Variants in OSBPL3 observed in about 807,000 individuals in gnomAD.
OSBPL3 encodes the protein oxysterol binding protein like 3.
Under a neutral mutation model 120.1 loss-of-function variants are expected in OSBPL3, and 65 were observed. The ratio of observed to expected loss-of-function variants is 0.54; its 90% CI spans 0.44 to 0.67. The LOEUF is 0.67. Among genes scored for constraint, OSBPL3 ranks in the 30% least tolerant of loss-of-function variants. The pLI is 0.00. For missense variants in OSBPL3, 1,004 were observed against 1,082.1 expected (o/e 0.93, Z 1.01); for synonymous variants, 416 against 402.6 (o/e 1.03, Z -0.40).
At chr7:24,860,895 T>A (rs1485363835) in intron 10 of OSBPL3, among the ~76,000 whole-genome samples, 1 of 152,226 alleles carries the variant, frequency 6.6e-6, no homozygotes, top group South Asian at 2.1e-4. Context: ...AACATGGGTA[T>A]AGATTTGTGT....
At position 24,806,457 on chromosome 7, in the gene OSBPL3, G is replaced by A. The variant is rs1163590491; in HGVS notation, c.2444+319C>T. Among the ~76,000 whole-genome samples the A allele has an allele frequency of 1.3e-5, 2 of 152,126 alleles. No homozygotes were observed. Among genetic ancestry groups the A allele is most frequent in the African/African-American group, 2.4e-5 (1 of 41,424 alleles). On this transcript the variant is annotated intron_variant, in intron 21 of 22. Coordinates refer to ENST00000313367, the MANE Select transcript of OSBPL3 (RefSeq NM_015550.4). This position sits in a 1 kb window ranked among gnomAD's most constrained non-coding sequence, Gnocchi z 5.2. ...CAAAATCATTTAAATTTGAGGGCTC[G>A]GGGAGCTGGAGGTTTTAACTTACTT...
At chr7:24,842,235 C>G (rs1016672071) in intron 13 of OSBPL3, 44 bp downstream of exon 13, 27 of 1,594,862 alleles carry the variant, frequency 1.7e-5, no homozygotes, top group South Asian at 4.5e-5. Context: ...AGCAAAGCAA[C>G]AAGAGAGATT....
At chr7:24,907,665 G>C (rs539696441) in intron 1 of OSBPL3, among the ~76,000 whole-genome samples, 1 of 152,040 alleles carries the variant, frequency 6.6e-6, no homozygotes, top group Non-Finnish European at 1.5e-5. Context: ...TCCATCTTCC[G>C]AAGATCACTT....
Position 24,820,097 on chromosome 7 carries a change from T to C in OSBPL3, c.1948+78A>G, listed in dbSNP as rs540502974. On this transcript the variant is annotated intron_variant, in intron 17 of 22. Transcript: ENST00000313367. This position sits in a 1 kb window ranked among gnomAD's most constrained non-coding sequence, Gnocchi z 4.6. ...GGACCACTTTTGATCTCAGTAAGAA[T>C]TGACAGCAATTCTTGGATAAAATAA... 40 of 1,076,800 alleles carry C rather than the reference T, an allele frequency of 3.7e-5. No individual in the cohort carries two copies. The highest frequency in any genetic ancestry group is 1.4e-4 in the South Asian group (10 of 71,958). The allele number at this position is 1,076,800 out of a possible 1,614,324, so 66.7% of individuals were successfully genotyped here.
chr7:24,812,926 T>C (rs909606681), intron 19 of OSBPL3, among the ~76,000 whole-genome samples: 1 of 152,204 alleles, frequency 6.6e-6, no homozygotes, highest in Non-Finnish European at 1.5e-5. Context: ...TTCCCCAGAG[T>C]AGAGTGCAGT....
At position 24,930,991 on chromosome 7, in the gene OSBPL3, T is replaced by C. The variant is rs1221366341; in HGVS notation, c.-149-38370A>G. ...GAAGTACGTGTTCAGAGGCAAAAAG[T>C]GAGCTGTGGGAAGACAGATGCTCCC... is the stretch of plus-strand genomic sequence containing the variant. On this transcript the variant is annotated intron_variant, in intron 1 of 22. Coordinates refer to ENST00000313367, the MANE Select transcript of OSBPL3 (RefSeq NM_015550.4). The surrounding 1 kb of genome is among the most constrained non-coding windows in gnomAD (Gnocchi z 4.4). Among the ~76,000 whole-genome samples the C allele has an allele frequency of 6.6e-6, 1 of 152,142 alleles. No individual in the cohort carries two copies. Among genetic ancestry groups the C allele is most frequent in the Non-Finnish European group, 1.5e-5 (1 of 68,030 alleles).
At chr7:24,869,370 C>G (rs1307554545) in intron 5 of OSBPL3, among the ~76,000 whole-genome samples, 1 of 152,166 alleles carries the variant, frequency 6.6e-6, no homozygotes, top group Non-Finnish European at 1.5e-5. Context: ...ATAACCTAAA[C>G]TATTCTAGTG....
Position 24,952,842 on chromosome 7 carries a change from A to G in OSBPL3, c.-150+27044T>C, listed in dbSNP as rs538591670. 2.0e-5 allele frequency among the ~76,000 whole-genome samples: 3 copies of G among 152,024 alleles called. No homozygotes were observed. The highest frequency in any genetic ancestry group is 1.3e-4 in the Admixed American group (2 of 15,274). ...CTATCAACCCCGCTTCCCCTCCCCA[A>G]TCTCATTTAAAATAACTCTGGGATG... is the stretch of plus-strand genomic sequence containing the variant. On this transcript the variant is annotated intron_variant, in intron 1 of 22. Coordinates refer to ENST00000313367, the MANE Select transcript of OSBPL3 (RefSeq NM_015550.4). The surrounding 1 kb of genome is among the most constrained non-coding windows in gnomAD (Gnocchi z 4.4).
At position 24,846,464 on chromosome 7, in the gene OSBPL3, G is replaced by C. The variant is rs148849172; in HGVS notation, c.1266+2605C>G. ...CAAATGCATGCCGATATAGCAAACAGACATTAAAAGAATTAAGTTCCCTTC... is the reference window on the plus strand; with the variant it reads ...CAAATGCATGCCGATATAGCAAACACACATTAAAAGAATTAAGTTCCCTTC... On this transcript the variant is annotated intron_variant, in intron 12 of 22. Coordinates refer to ENST00000313367, the MANE Select transcript of OSBPL3 (RefSeq NM_015550.4). 3.3e-5 allele frequency among the ~76,000 whole-genome samples: 5 copies of C among 152,346 alleles called. No individual in the cohort carries two copies. In the East Asian group the frequency reaches 9.6e-4, roughly 29 times the overall value.
chr7:24,828,246 G>C (rs866021389), intron 16 of OSBPL3, among the ~76,000 whole-genome samples: 1 of 152,016 alleles, frequency 6.6e-6, no homozygotes, highest in African/African-American at 2.4e-5. Context: ...GGCTTGTCTC[G>C]AACTCCTGAC....
In OSBPL3 at chr7:24,855,634, G is replaced by T. The variant is rs564968692; in HGVS notation, c.1028-3000C>A. Among the ~76,000 whole-genome samples the T allele has an allele frequency of 6.6e-6, 1 of 152,150 alleles. No individual in the cohort carries two copies. The highest frequency in any genetic ancestry group is 1.5e-5 in the Non-Finnish European group (1 of 68,022). Reference sequence around the variant, plus strand: ...GTCATTCACAGCCACCTAATGATCTGCCACACACAGGGCAATGATCAGAGG... The same window carrying T: ...GTCATTCACAGCCACCTAATGATCTTCCACACACAGGGCAATGATCAGAGG... On this transcript the variant is annotated intron_variant, in intron 10 of 22. Coordinates refer to ENST00000313367, the MANE Select transcript of OSBPL3 (RefSeq NM_015550.4). This position sits in a 1 kb window ranked among gnomAD's most constrained non-coding sequence, Gnocchi z 4.3.
At chr7:24,886,263 G>A (rs1470295529) in intron 2 of OSBPL3, among the ~76,000 whole-genome samples, 1 of 152,154 alleles carries the variant, frequency 6.6e-6, no homozygotes, top group African/African-American at 2.4e-5. Flanking sequence ...ACATGGCAAG[G>A]TTATCCAGCA....
At chr7:24,893,791 T>C (rs1300551115) in intron 1 of OSBPL3, among the ~76,000 whole-genome samples, 1 of 152,016 alleles carries the variant, frequency 6.6e-6, no homozygotes, top group East Asian at 1.9e-4. Flanking sequence ...TTGGGAGTCT[T>C]GCCCTGATGG....
chr7:24,897,699 C>G (rs1408303546), intron 1 of OSBPL3, among the ~76,000 whole-genome samples: 1 of 152,188 alleles, frequency 6.6e-6, no homozygotes, highest in African/African-American at 2.4e-5. Context: ...CGAGTGTGAA[C>G]AGACTAGTGT....
intron 1 of OSBPL3, among the ~76,000 whole-genome samples, chr7:24,970,758 G>A (rs939511562): frequency 2.6e-5 from 4 of 152,070 alleles, no homozygotes; most frequent in Non-Finnish European, 5.9e-5. Context: ...AAAATGTCTG[G>A]GGCTTAAAAC....
rs1302627561 is a variant in OSBPL3, at chr7:24,964,014, T to C, written c.-150+15872A>G. ...AGGAGCCAACCGAAAGCACTCCTAATAGCTAAAGCTGGACGAACTTCAGAA... is the reference window on the plus strand; with the variant it reads ...AGGAGCCAACCGAAAGCACTCCTAACAGCTAAAGCTGGACGAACTTCAGAA... On this transcript the variant is annotated intron_variant, in intron 1 of 22. Transcript: ENST00000313367. The surrounding 1 kb of genome is among the most constrained non-coding windows in gnomAD (Gnocchi z 4.2). Among the ~76,000 whole-genome samples, 1 of 152,142 alleles carries C rather than the reference T, an allele frequency of 6.6e-6. No individual in the cohort carries two copies. The highest frequency in any genetic ancestry group is 2.4e-5 in the African/African-American group (1 of 41,426).
chr7:24,889,719 T>C (rs1447230076), intron 2 of OSBPL3, among the ~76,000 whole-genome samples: 1 of 152,156 alleles, frequency 6.6e-6, no homozygotes, highest in Admixed American at 6.5e-5. Context: ...TGAGGGCTAA[T>C]GAGGAGAAAA....
Position 24,938,413 on chromosome 7 carries a change from T to C in OSBPL3, c.-150+41473A>G, listed in dbSNP as rs929944953. ...ATTACCCGGTTTATGATATTTGTTA[T>C]AGCAGCCTGAACTACTACATTGCCA... On this transcript the variant is annotated intron_variant, in intron 1 of 22. Transcript: ENST00000313367. The surrounding 1 kb of genome is among the most constrained non-coding windows in gnomAD (Gnocchi z 5.8). Among the ~76,000 whole-genome samples, 1 of 152,244 alleles carries C rather than the reference T, an allele frequency of 6.6e-6. No individual in the cohort carries two copies. The highest frequency in any genetic ancestry group is 1.5e-5 in the Non-Finnish European group (1 of 68,042).
At chr7:24,861,258 T>C (rs904038328) in intron 10 of OSBPL3, among the ~76,000 whole-genome samples, 5 of 152,220 alleles carry the variant, frequency 3.3e-5, no homozygotes, top group Admixed American at 6.5e-5. Flanking sequence ...AGTTAATTCC[T>C]ACAATGAATT....
Sources: gnomAD v4.1 joint callset for allele counts (sites outside exome capture counted in the v4.1 genomes callset) on GRCh38, gnomAD v4.1.1 for gene constraint, Gnocchi (gnomAD v3.1) non-coding constraint, MANE v1.5 for transcripts, NCBI Gene and HGNC (gene_info 2026-07-23, HGNC 2026-07-21) for gene names.